CMAS: variants seen among roughly 807,000 people sequenced by gnomAD.
The protein encoded by CMAS is N-acylneuraminate cytidylyltransferase.
CMAS carries 21 observed loss-of-function variants against 53.4 expected under a neutral mutation model. The observed-to-expected ratio is 0.39, with a 90% CI of 0.28 to 0.57. The LOEUF (loss-of-function observed/expected upper bound fraction) is 0.57. Ranked by LOEUF, CMAS falls within the 20% of genes least tolerant of loss-of-function variation. The pLI, the probability that CMAS is intolerant of heterozygous loss-of-function variation, is 0.56. For synonymous variants in CMAS, 189 were observed against 195.2 expected (o/e 0.97, Z 0.27); for missense variants, 384 against 534.9 (o/e 0.72, Z 2.78).
intron 1 of CMAS, among the ~76,000 whole-genome samples, chr12:22,047,982 A>G (rs11046274): frequency 0.17 from 25,420 of 152,196 alleles, 2,846 homozygotes; most frequent in East Asian, 0.56. Flanking sequence ...TGTTAATACC[A>G]TTTACAACTC....
At chr12:22,051,699 A>C (rs1332707598) in intron 1 of CMAS, among the ~76,000 whole-genome samples, 1 of 152,142 alleles carries the variant, frequency 6.6e-6, no homozygotes, top group Non-Finnish European at 1.5e-5. Flanking sequence ...TACTGTTTTC[A>C]TATTTTTTTC....
chr12:22,062,507 C>T, intron 7 of CMAS, 73 bp downstream of exon 7: 2 of 1,441,168 alleles, frequency 1.4e-6, no homozygotes, highest in Admixed American at 1.8e-5. Flanking sequence ...AAAGAAATGA[C>T]AAAGCACATC....
intron 1 of CMAS, among the ~76,000 whole-genome samples, chr12:22,051,224 C>G (rs11046276): frequency 0.58 from 88,569 of 151,978 alleles, 26,818 homozygotes; most frequent in Non-Finnish European, 0.63. Context: ...ATTTTTTTTC[C>G]TTTAGTACAA....
In CMAS at chr12:22,061,411, G is replaced by T. The variant is rs189328375; in HGVS notation, c.919G>T (p.Asp307Tyr). ...QKEIISYDVK[D>Y]AIGISLLKKS... ...AGAAATAATATCTTATGATGTAAAA[G>T]ATGCTATTGGGATAAGTTTATTAAA... The change falls in exon 6 of 8, where the codon GAT becomes TAT. Residue 307 changes from aspartate to tyrosine, a missense_variant. By Grantham distance (160) the Asp-to-Tyr change is radical. This residue lies in a region of CMAS where 134 missense variants were observed against 154.6 expected (regional missense o/e 0.87). Transcript: ENST00000229329. 1 of 1,604,092 alleles carries T rather than the reference G, an allele frequency of 6.2e-7. No individual in the cohort carries two copies. Among genetic ancestry groups the T allele is most frequent in the Admixed American group, 1.7e-5 (1 of 58,988 alleles).
intron 1 of CMAS, among the ~76,000 whole-genome samples, chr12:22,049,921 T>A (rs201088560): frequency 1.9e-4 from 26 of 139,326 alleles, no homozygotes; most frequent in East Asian, 4.3e-4. Context: ...AAAAAAAAAA[T>A]TTTTTTTCTA....
rs1413496356 is a variant in CMAS, at chr12:22,062,335, C to T, written c.1015C>T (p.Leu339=). ...CSKQTLSSLK[L]DCKMEVSVSD... is the part of the protein sequence containing the mutation. Reference sequence around the variant, plus strand: ...AAAGCAGACGCTGTCTTCTTTAAAACTGGATTGCAAAATGGAAGTCAGTGT... The same window carrying T: ...AAAGCAGACGCTGTCTTCTTTAAAATTGGATTGCAAAATGGAAGTCAGTGT... The change falls in exon 7 of 8, where the codon CTG becomes TTG. Residue 339 remains leucine, a synonymous_variant. Transcript: ENST00000229329. The T allele has an allele frequency of 6.2e-7, 1 of 1,609,144 alleles. No homozygotes were observed.
At chr12:22,062,186 C>T in intron 6 of CMAS, 95 bp from the exon 7 acceptor site, 13 of 1,093,750 alleles carry the variant, frequency 1.2e-5, no homozygotes, top group Non-Finnish European at 1.6e-5. Context: ...GTGATTTGGA[C>T]TGTCTACAAG....
Position 22,055,501 on chromosome 12 carries a change from T to C in CMAS, c.450T>C (p.His150=). 1 of 1,611,506 alleles carries C rather than the reference T, an allele frequency of 6.2e-7. No homozygotes were observed. The highest frequency in any genetic ancestry group is 1.1e-5 in the South Asian group (1 of 90,136). ...TTCAAGCTACTTCTCCATGTTTACA[T>C]CCTACTGATCTTCAAAAAGTTGCAG... ...GNIQATSPCL[H]PTDLQKVAEM... Residue 150 remains histidine (H), a synonymous_variant, in exon 3 of 8, where the codon CAT becomes CAC. Coordinates refer to ENST00000229329, the MANE Select transcript of CMAS (RefSeq NM_018686.6).
intron 4 of CMAS, among the ~76,000 whole-genome samples, chr12:22,059,781 A>AT (rs1358505976): frequency 6.6e-6 from 1 of 152,176 alleles, no homozygotes; most frequent in Non-Finnish European, 1.5e-5. Context: ...TGATTAACCC[A>AT]TTCCTAAAGT....
At chr12:22,055,352 C>G in intron 2 of CMAS, 61 bp downstream of exon 2, 2 of 1,476,494 alleles carry the variant, frequency 1.4e-6, no homozygotes, top group Non-Finnish European at 1.8e-6. Flanking sequence ...CCTTTATTAT[C>G]TTATAAGACT....
At chr12:22,048,886 C>T (rs1950222679) in intron 1 of CMAS, among the ~76,000 whole-genome samples, 1 of 152,196 alleles carries the variant, frequency 6.6e-6, no homozygotes, top group Admixed American at 6.5e-5. Context: ...GGCCTAGTCA[C>T]ACGGACTAAG....
At chr12:22,049,259 G>T (rs1474496066) in intron 1 of CMAS, among the ~76,000 whole-genome samples, 5 of 152,130 alleles carry the variant, frequency 3.3e-5, no homozygotes, top group African/African-American at 1.2e-4. Flanking sequence ...CAGCGATGGA[G>T]CCCCCGCTGA....
At chr12:22,057,786 A>G (rs76720214) in intron 3 of CMAS, among the ~76,000 whole-genome samples, 1,624 of 152,134 alleles carry the variant, frequency 0.011, 13 homozygotes, top group Non-Finnish European at 0.016. Flanking sequence ...GCAAAGATAA[A>G]TCATCAGAAT....
intron 6 of CMAS, 59 bp downstream of exon 6, chr12:22,061,511 A>C: frequency 1.7e-6 from 2 of 1,207,802 alleles, no homozygotes; most frequent in Non-Finnish European, 2.3e-6. Context: ...GTCAAAGAAC[A>C]TGCAAGGAAT....
At chr12:22,053,467 T>C (rs1461250649) in intron 1 of CMAS, among the ~76,000 whole-genome samples, 1 of 149,656 alleles carries the variant, frequency 6.7e-6, no homozygotes, top group African/African-American at 2.5e-5. Flanking sequence ...TATAAAATAA[T>C]GTGTATATAT....
intron 4 of CMAS, 26 bp downstream of exon 4, chr12:22,058,726 C>A: frequency 6.2e-7 from 1 of 1,604,216 alleles, no homozygotes; most frequent in South Asian, 1.1e-5. Flanking sequence ...TTGCATAACC[C>A]TTTTAAGCGC....
At chr12:22,060,020 A>G (rs1235063203) in intron 4 of CMAS, among the ~76,000 whole-genome samples, 1 of 152,104 alleles carries the variant, frequency 6.6e-6, no homozygotes, top group Admixed American at 6.5e-5. Context: ...TAGCTCAGAG[A>G]TCTAAGAAAA....
chr12:22,062,257 ATCCTT>A lies in CMAS; in HGVS notation c.961-22_961-18del. On this transcript the variant is annotated intron_variant, in intron 6 of 7. Coordinates refer to ENST00000229329, the MANE Select transcript of CMAS (RefSeq NM_018686.6). Reference sequence around the variant, plus strand: ...TTTTAATTTTTCCCTTCTTCCTCCAATCCTTTTTTTTTTTTTTTTTAAGGTGAGGC... The same window carrying A: ...TTTTAATTTTTCCCTTCTTCCTCCAATTTTTTTTTTTTTTTAAGGTGAGGC... 1 of 1,453,770 alleles carries A rather than the reference ATCCTT, an allele frequency of 6.9e-7. No homozygotes were observed. Among genetic ancestry groups the A allele is most frequent in the South Asian group, 1.3e-5 (1 of 77,366 alleles). 90.1% of individuals were successfully genotyped at this position (1,453,770 alleles called of 1,614,324 possible).
At chr12:22,062,732 C>G (rs964058948) in intron 7 of CMAS, among the ~76,000 whole-genome samples, 2 of 152,024 alleles carry the variant, frequency 1.3e-5, no homozygotes, top group Non-Finnish European at 2.9e-5. Context: ...CTGGAGATAT[C>G]GAGAGTACCT....
Sources: gnomAD v4.1 joint callset for allele counts (sites outside exome capture counted in the v4.1 genomes callset) on GRCh38, gnomAD v4.1.1 for gene constraint, gnomAD v4.1.1 regional missense constraint, MANE v1.5 for transcripts, NCBI Gene and HGNC (gene_info 2026-07-23, HGNC 2026-07-21) for gene names.